Variants in AQP4 observed in about 807,000 individuals in gnomAD.
AQP4 encodes aquaporin 4.
Under a neutral mutation model 27.8 loss-of-function variants are expected in AQP4, and 18 were observed. The ratio of observed to expected loss-of-function variants is 0.65; its 90% confidence interval spans 0.45 to 0.96. The LOEUF is 0.96. Ranked by LOEUF, AQP4 falls within the 40% of genes least tolerant of loss-of-function variation. The pLI is 0.00. For synonymous variants in AQP4, 141 were observed against 142.9 expected, an observed-to-expected ratio of 0.99 and a Z score of 0.10; for missense variants, 412 against 408.2, an observed-to-expected ratio of 1.01 and a Z score of -0.08.
Position 26,853,524 on chromosome 18 carries a change from A to C in AQP4, c.*2687T>G, listed in dbSNP as rs2054788181. 6.6e-6 allele frequency: 1 copy of C among 152,260 alleles called. No individual in the cohort carries two copies. The highest frequency in any genetic ancestry group is 2.4e-5 in the African/African-American group (1 of 41,452). 9.4% of individuals were successfully genotyped at this position (152,260 alleles called of 1,614,324 possible). On this transcript the variant is annotated 3_prime_UTR_variant, in exon 5 of 5. Transcript: ENST00000383168. ...TTGTACTCTTCCTTAGGGAAGAGAC[A>C]GTTGGCATTGTTTCATGGCTGGGTA... is the stretch of plus-strand genomic sequence containing the variant.
chr18:26,860,181 T>G (rs1038229200), intron 4 of AQP4, among the ~76,000 whole-genome samples: 6 of 152,362 alleles, frequency 3.9e-5, no homozygotes, highest in South Asian at 2.1e-4. Context: ...GTGAGTCATT[T>G]ATTTTTCCGG....
At position 26,862,555 on chromosome 18, in the gene AQP4, G is replaced by A; in HGVS notation, c.74C>T (p.Ala25Val). ...AGCTTGAGTCCAGACCCCTTTGAAAGCCACCATGATGTTCTCTCTGGTACA... is the reference window on the plus strand; with the variant it reads ...AGCTTGAGTCCAGACCCCTTTGAAAACCACCATGATGTTCTCTCTGGTACA... ...PLCTRENIMV[A>V]FKGVWTQAFW... Residue 25 changes from alanine (A) to valine (V), a missense_variant, in exon 2 of 5, where the codon GCT becomes GTT. Physicochemically the swap from Ala to Val is moderately conservative, Grantham distance 64. Coordinates refer to ENST00000383168, the MANE Select transcript of AQP4 (RefSeq NM_001650.7). The A allele has an allele frequency of 6.2e-7, 1 of 1,614,058 alleles. No individual in the cohort carries two copies. Among genetic ancestry groups the A allele is most frequent in the South Asian group, 1.1e-5 (1 of 91,066 alleles).
In AQP4 at chr18:26,855,748, AT is replaced by A. The variant is rs2054829985; in HGVS notation, c.*462del. The A allele has an allele frequency of 5.2e-5, 10 of 193,090 alleles. No homozygotes were observed. The Admixed American group carries it at 5.3e-4, about 10-fold the overall frequency. The allele number at this position is 193,090 out of a possible 1,614,324, so 12.0% of individuals were successfully genotyped here. A position where few individuals can be genotyped will look rare whatever the true frequency, so the allele number is the denominator to read the frequency against. ...GATTGCTCATAAAAGAACTTGTTAT[AT>A]TTTCTCTCTTGAATGTGCATGACTG... On this transcript the variant is annotated 3_prime_UTR_variant, in exon 5 of 5. Coordinates refer to ENST00000383168, the MANE Select transcript of AQP4 (RefSeq NM_001650.7).
rs779472607 is a variant in AQP4 at position 26,860,772 on chromosome 18, C to T, written c.693G>A (p.Trp231Ter). The change falls in exon 4 of 5, where the codon TGG becomes TGA. Residue 231 changes from tryptophan to a stop codon, truncating the protein, a stop_gained and splice_region_variant. Coordinates refer to ENST00000383168, the MANE Select transcript of AQP4 (RefSeq NM_001650.7). LOFTEE classifies it high-confidence loss of function. ...AVIMGNWENH[W>*]IYWVGPIIGA... ...TGGGAACTATCAATATGAGGGTTAC[C>T]CAATGGTTTTCCCAATTTCCCATGA... 1 of 1,612,426 alleles carries T rather than the reference C, an allele frequency of 6.2e-7. No homozygotes were observed. The highest frequency in any genetic ancestry group is 8.5e-7 in the Non-Finnish European group (1 of 1,178,638).
At position 26,862,543 on chromosome 18, in the gene AQP4, A is replaced by G; in HGVS notation, c.86T>C (p.Val29Ala). The G allele has an allele frequency of 3.1e-6, 5 of 1,614,120 alleles. No homozygotes were observed. Among genetic ancestry groups the G allele is most frequent in the Non-Finnish European group, 4.2e-6 (5 of 1,180,024 alleles). Residue 29 changes from valine to alanine, a missense_variant, in exon 2 of 5, where the codon GTC becomes GCC. By Grantham distance (64) the Val-to-Ala change is moderately conservative. Coordinates refer to ENST00000383168, the MANE Select transcript of AQP4 (RefSeq NM_001650.7). ...RENIMVAFKG[V>A]WTQAFWKAVT... ...TGCTTTCCAGAAAGCTTGAGTCCAG[A>G]CCCCTTTGAAAGCCACCATGATGTT... is the stretch of plus-strand genomic sequence containing the variant.
At chr18:26,861,447 C>T in intron 2 of AQP4, 152 bp from the exon 3 acceptor site, 1 of 744,998 alleles carries the variant, frequency 1.3e-6, no homozygotes, top group Non-Finnish European at 2.2e-6. Flanking sequence ...TTCTCTCACC[C>T]CCCAAAAAGA....
At position 26,862,238 on chromosome 18, in the gene AQP4, C is replaced by T; in HGVS notation, c.391G>A (p.Gly131Arg). The T allele has an allele frequency of 6.2e-7, 1 of 1,614,142 alleles. No homozygotes were observed. The highest frequency in any genetic ancestry group is 8.5e-7 in the Non-Finnish European group (1 of 1,180,034). Residue 131 changes from glycine (G) to arginine (R), a missense_variant, in exon 2 of 5, where the codon GGA becomes AGA. Gly to Arg is a moderately radical substitution (Grantham distance 125). Coordinates refer to ENST00000383168, the MANE Select transcript of AQP4 (RefSeq NM_001650.7). ...AQCLGAIIGA[G>R]ILYLVTPPSV... ...GGAGGTGTGACCAGATAGAGGATTC[C>T]TGCTCCAATGATGGCCCCCAGGCAC...
rs371550687 is a variant in AQP4 at position 26,860,846 on chromosome 18, A to G, written c.619T>C (p.Tyr207His). Residue 207 changes from tyrosine to histidine, a missense_variant, in exon 4 of 5, where the codon TAT becomes CAT. By Grantham distance (83) the Tyr-to-His change is moderately conservative (BLOSUM62 2). Coordinates refer to ENST00000383168, the MANE Select transcript of AQP4 (RefSeq NM_001650.7). ...VAIGHLFAIN[Y>H]TGASMNPARS... ...GCGGGATTCATGCTGGCACCAGTAT[A>G]ATTGATCTATAGGAAACAAGAAAAC... The G allele has an allele frequency of 2.4e-5, 39 of 1,613,906 alleles. No individual in the cohort carries two copies. The highest frequency in any genetic ancestry group is 3.3e-4 in the Middle Eastern group (2 of 6,084).
At chr18:26,859,125 AT>A (rs1224705602) in intron 4 of AQP4, among the ~76,000 whole-genome samples, 2 of 152,238 alleles carry the variant, frequency 1.3e-5, no homozygotes, top group African/African-American at 2.4e-5. Flanking sequence ...AGTAAAATAT[AT>A]TTTTTCATCT....
rs915307580 is a variant in AQP4 at position 26,856,825 on chromosome 18, A to G, written c.694-336T>C. On this transcript the variant is annotated intron_variant, in intron 4 of 4. Transcript: ENST00000383168. Reference sequence around the variant, plus strand: ...TAAGCGCACTAAGAATTCTTTAACTAAAATAAAAAAAAAATTTCTGGAGAG... The same window carrying G: ...TAAGCGCACTAAGAATTCTTTAACTGAAATAAAAAAAAAATTTCTGGAGAG... Among the ~76,000 whole-genome samples the G allele has an allele frequency of 3.3e-5, 5 of 152,186 alleles. 1 individual carries two copies. The highest frequency in any genetic ancestry group is 1.3e-4 in the Admixed American group (2 of 15,276).
rs1380023176 is a variant in AQP4, at chr18:26,852,919, G to T, written c.*3292C>A. ...GAATTGTTCGTAACGTGAGGTTGGT[G>T]TCAACATGCTGCAATCAGAGGCCTT... On this transcript the variant is annotated 3_prime_UTR_variant, in exon 5 of 5. Transcript: ENST00000383168. The T allele has an allele frequency of 1.0e-5, 4 of 398,356 alleles. No individual in the cohort carries two copies. The highest frequency in any genetic ancestry group is 1.8e-5 in the Non-Finnish European group (4 of 225,952). 24.7% of individuals were successfully genotyped at this position (398,356 alleles called of 1,614,324 possible). A position where few individuals can be genotyped will look rare whatever the true frequency, so the allele number is the denominator to read the frequency against.
In AQP4 at chr18:26,856,267, GGTC is replaced by G; in HGVS notation, c.913_915del (p.Asp305del). 1 of 1,614,088 alleles carries G rather than the reference GGTC, an allele frequency of 6.2e-7. No individual in the cohort carries two copies. The highest frequency in any genetic ancestry group is 8.5e-7 in the Non-Finnish European group (1 of 1,180,014). On this transcript the variant is annotated inframe_deletion, in exon 5 of 5. Coordinates refer to ENST00000383168, the MANE Select transcript of AQP4 (RefSeq NM_001650.7). ...TCTTTCCCCTTCTTCTCCTCTCCCC[GGTC>G]AACGTCAATCACATGCACCACTCCA...
intron 2 of AQP4, 57 bp from the exon 3 acceptor site, chr18:26,861,352 G>A (rs2054940581): frequency 1.3e-6 from 2 of 1,536,194 alleles, no homozygotes; most frequent in Admixed American, 1.7e-5. Context: ...CGATGACAAT[G>A]TATTAATATC....
Position 26,865,665 on chromosome 18 carries a change from G to T in AQP4, c.25C>A (p.Arg9=), listed in dbSNP as rs772226682. 6.2e-7 allele frequency: 1 copy of T among 1,613,996 alleles called. No homozygotes were observed. The highest frequency in any genetic ancestry group is 2.2e-5 in the East Asian group (1 of 44,874). The part of the protein sequence containing the change: MSDRPTAR[R]WGKCGPLCTR... ...AGGCAAAGAAGGACTTACCCCCACC[G>T]CCTTGCTGTGGGTCTGTCACTCATG... The change falls in exon 1 of 5, where the codon CGG becomes AGG. Residue 9 remains arginine, a synonymous_variant. Transcript: ENST00000383168.
intron 4 of AQP4, among the ~76,000 whole-genome samples, chr18:26,856,961 A>C (rs335930): frequency 0.24 from 36,247 of 152,120 alleles, 4,513 homozygotes; most frequent in South Asian, 0.41. Flanking sequence ...AAGCATGATC[A>C]AAACCAACCC....
In AQP4 at chr18:26,854,215, T is replaced by C. The variant is rs1045720479; in HGVS notation, c.*1996A>G. On this transcript the variant is annotated 3_prime_UTR_variant, in exon 5 of 5. Coordinates refer to ENST00000383168, the MANE Select transcript of AQP4 (RefSeq NM_001650.7). ...GAATAAAAATGATTATAAGCCAGTA[T>C]ATTGTAAGTGTATTCAAAAAATCTG... 2.6e-5 allele frequency: 4 copies of C among 152,236 alleles called. No individual in the cohort carries two copies. Among genetic ancestry groups the C allele is most frequent in the Non-Finnish European group, 5.9e-5 (4 of 68,040 alleles). The allele number at this position is 152,236 out of a possible 1,614,324, so 9.4% of individuals were successfully genotyped here. A position where few individuals can be genotyped will look rare whatever the true frequency, so the allele number is the denominator to read the frequency against.
At chr18:26,856,543 G>T in intron 4 of AQP4, 54 bp from the exon 5 acceptor site, 2 of 1,584,534 alleles carry the variant, frequency 1.3e-6, no homozygotes, top group South Asian at 2.2e-5. Flanking sequence ...CTATTCCATT[G>T]AGCAGCTCAT....
At chr18:26,864,485 G>T (rs59439491) in intron 1 of AQP4, among the ~76,000 whole-genome samples, 1 of 152,146 alleles carries the variant, frequency 6.6e-6, no homozygotes, top group Admixed American at 6.5e-5. Context: ...CCCCAGGTGG[G>T]ATGACAACGA....
Position 26,852,645 on chromosome 18 carries a change from C to CA in AQP4, c.*3565dup, listed in dbSNP as rs1200461249. ...GGGGCAATCTGTAGAGTACTAAACT[C>CA]ACAAAATTTGTGGTAACAAAAGAGA... On this transcript the variant is annotated 3_prime_UTR_variant, in exon 5 of 5. Coordinates refer to ENST00000383168, the MANE Select transcript of AQP4 (RefSeq NM_001650.7). 1 of 393,906 alleles carries CA rather than the reference C, an allele frequency of 2.5e-6. No individual in the cohort carries two copies. Among genetic ancestry groups the CA allele is most frequent in the African/African-American group, 2.1e-5 (1 of 48,526 alleles). 24.4% of individuals were successfully genotyped at this position (393,906 alleles called of 1,614,324 possible). A position where few individuals can be genotyped will look rare whatever the true frequency, so the allele number is the denominator to read the frequency against.
Sources: gnomAD v4.1 joint callset for allele counts (sites outside exome capture counted in the v4.1 genomes callset) on GRCh38, gnomAD v4.1.1 for gene constraint, MANE v1.5 for transcripts, NCBI Gene and HGNC (gene_info 2026-07-23, HGNC 2026-07-21) for gene names.